The following RELN variants were observed in gnomAD, a reference collection of about 807,000 sequenced individuals.
RELN encodes the protein reelin.
In RELN, 108 loss-of-function variants were observed where a neutral mutation model predicts 427.6. The observed-to-expected ratio is 0.25, with a 90% CI of 0.22 to 0.30. The LOEUF (loss-of-function observed/expected upper bound fraction) is 0.30, where lower values mean the gene tolerates loss of function less well. RELN is among the 10% of genes least tolerant of loss of function. The pLI is 1.00. For missense variants in RELN, 3,715 were observed against 4,302.8 expected (o/e 0.86, Z 3.82); for synonymous variants, 1,524 against 1,513.4 (o/e 1.01, Z -0.16).
intron 49 of RELN, 53 bp downstream of exon 49, chr7:103,519,270 G>A (rs779633545): frequency 7.3e-7 from 1 of 1,373,194 alleles, no homozygotes; most frequent in Non-Finnish European, 1.0e-6. Flanking sequence ...CTGATTGCTG[G>A]TAGCAATCTC....
At position 103,590,430 on chromosome 7, in the gene RELN, G is replaced by A. The variant is rs1034281980; in HGVS notation, c.3913-602C>T. ...TACAAAAATTAGCCAGCGTGGTGGC[G>A]GGCACCTGTAATCCCAGCTACTCGG... On this transcript the variant is annotated intron_variant, in intron 27 of 64. Coordinates refer to ENST00000428762, the MANE Select transcript of RELN (RefSeq NM_005045.4). 6.6e-5 allele frequency among the ~76,000 whole-genome samples: 10 copies of A among 151,840 alleles called. No individual in the cohort carries two copies. The East Asian group carries it at 1.4e-3, about 21-fold the overall frequency.
intron 31 of RELN, among the ~76,000 whole-genome samples, chr7:103,571,820 G>T (rs1438277318): frequency 6.6e-6 from 1 of 152,168 alleles, no homozygotes; most frequent in Non-Finnish European, 1.5e-5. Context: ...TCTGCATTCA[G>T]TAATGCCCTA....
intron 28 of RELN, among the ~76,000 whole-genome samples, chr7:103,588,706 C>T (rs1831337152): frequency 6.6e-6 from 1 of 152,150 alleles, no homozygotes; most frequent in Admixed American, 6.5e-5. Flanking sequence ...GACAGCATAT[C>T]CCTACAAACA....
At chr7:103,743,696 T>A (rs978033398) in intron 6 of RELN, among the ~76,000 whole-genome samples, 32 of 152,280 alleles carry the variant, frequency 2.1e-4, no homozygotes, top group Non-Finnish European at 1.0e-4. Flanking sequence ...AGGGATCAAT[T>A]CAACAAGAAG....
At chr7:103,881,797 AT>A (rs1158661843) in intron 2 of RELN, among the ~76,000 whole-genome samples, 2 of 152,182 alleles carry the variant, frequency 1.3e-5, no homozygotes, top group African/African-American at 4.8e-5. Context: ...AAAGTAAAAC[AT>A]CACGAATGAA....
At chr7:103,599,666 G>C (rs1392332054) in intron 24 of RELN, among the ~76,000 whole-genome samples, 1 of 152,102 alleles carries the variant, frequency 6.6e-6, no homozygotes, top group Admixed American at 6.6e-5. Context: ...AAGCTTCAGG[G>C]AGGCAGTGGA....
intron 22 of RELN, among the ~76,000 whole-genome samples, chr7:103,609,506 G>A (rs1190446510): frequency 6.6e-6 from 1 of 152,104 alleles, no homozygotes; most frequent in Non-Finnish European, 1.5e-5. Context: ...GCTAGAGAAA[G>A]TAGCAACTTG....
At chr7:103,501,054 A>G in intron 52 of RELN, 132 bp from the exon 53 acceptor site, 1 of 821,556 alleles carries the variant, frequency 1.2e-6, no homozygotes, top group Admixed American at 2.1e-5. Context: ...ATAGGTTAAT[A>G]AAAAATGTTT....
At chr7:103,900,998 A>T (rs1357657953) in intron 2 of RELN, among the ~76,000 whole-genome samples, 1 of 152,010 alleles carries the variant, frequency 6.6e-6, no homozygotes. Flanking sequence ...TTTTTGAAAG[A>T]ATGCTTATCA....
In RELN at chr7:103,497,840, A is replaced by G. The variant is rs761439134; in HGVS notation, c.8930T>C (p.Leu2977Ser). The part of the protein sequence containing the change: ...RPICRKEGVL[L>S]DYSTDGGITW... ...CATGCCTCCATCGGTAGAGTAGTCC[A>G]ACAGCACGCCTTCCTTCCGGCAGAT... The change falls in exon 55 of 65, where the codon TTG becomes TCG. Residue 2977 changes from leucine to serine, a missense_variant. Transcript: ENST00000428762. 6 of 1,614,054 alleles carry G rather than the reference A, an allele frequency of 3.7e-6. No individual in the cohort carries two copies. The highest frequency in any genetic ancestry group is 1.1e-5 in the South Asian group (1 of 91,094).
intron 8 of RELN, among the ~76,000 whole-genome samples, 155 bp from the exon 9 acceptor site, chr7:103,701,161 G>A (rs1375169683): frequency 6.6e-6 from 1 of 152,006 alleles, no homozygotes; most frequent in African/African-American, 2.4e-5. Context: ...CCTGTGATCT[G>A]TTCTGGTAAC....
chr7:103,941,138 T>C (rs1056755510), intron 1 of RELN, among the ~76,000 whole-genome samples: 8 of 152,108 alleles, frequency 5.3e-5, no homozygotes, highest in Admixed American at 4.6e-4. Flanking sequence ...CTGGTACAAT[T>C]TCTCTAAGAC....
At chr7:103,847,227 A>G (rs1447062350) in intron 2 of RELN, among the ~76,000 whole-genome samples, 1 of 152,242 alleles carries the variant, frequency 6.6e-6, no homozygotes, top group Non-Finnish European at 1.5e-5. Context: ...CACCTGGAAT[A>G]CTATGCAGCC....
At chr7:103,500,480 GA>G (rs995586861) in intron 53 of RELN, among the ~76,000 whole-genome samples, 11 of 146,594 alleles carry the variant, frequency 7.5e-5, no homozygotes, top group South Asian at 2.1e-4. Flanking sequence ...GTCTGCTTAA[GA>G]AAAAAAAAAG....
chr7:103,930,240 T>C (rs1285856212), intron 1 of RELN, among the ~76,000 whole-genome samples: 1 of 152,214 alleles, frequency 6.6e-6, no homozygotes. Flanking sequence ...TGGCCTTTCA[T>C]CTATCTGCAC....
chr7:103,715,515 C>T (rs938777839), intron 8 of RELN, among the ~76,000 whole-genome samples: 1 of 152,136 alleles, frequency 6.6e-6, no homozygotes, highest in Non-Finnish European at 1.5e-5. Flanking sequence ...AATATTTTGT[C>T]CCTCAGTCAC....
chr7:103,631,283 CTTCTTTTTT>C (rs1832459595), intron 19 of RELN, among the ~76,000 whole-genome samples: 1 of 77,718 alleles, frequency 1.3e-5, no homozygotes, highest in Non-Finnish European at 2.6e-5. Flanking sequence ...TTTAAAAACA[CTTCTTTTTT>C]TTTTTTTTTT....
At chr7:103,689,873 C>T (rs1220968672) in intron 10 of RELN, among the ~76,000 whole-genome samples, 1 of 152,066 alleles carries the variant, frequency 6.6e-6, no homozygotes, top group Non-Finnish European at 1.5e-5. Flanking sequence ...TTTCTTTCAA[C>T]TTAAAATTAA....
chr7:103,497,149 T>C (rs1828867166), intron 55 of RELN, among the ~76,000 whole-genome samples: 1 of 152,106 alleles, frequency 6.6e-6, no homozygotes, highest in Admixed American at 6.6e-5. Flanking sequence ...ATTTAATTAT[T>C]TGGACTGGTA....
Sources: allele counts gnomAD v4.1 joint callset (sites outside exome capture counted in the v4.1 genomes callset), GRCh38; gene constraint gnomAD v4.1.1; transcripts MANE v1.5; gene names NCBI Gene and HGNC (gene_info 2026-07-23, HGNC 2026-07-21).